Variants in DYNC2H1 observed in about 807,000 individuals in gnomAD.
The protein encoded by DYNC2H1 is dynein cytoplasmic 2 heavy chain 1, also known as cytoplasmic dynein 2 heavy chain 1.
In DYNC2H1, 410 loss-of-function variants were observed where a neutral mutation model predicts 570.0. That is an observed-to-expected ratio of 0.72 (90% CI 0.66 to 0.78). The LOEUF (loss-of-function observed/expected upper bound fraction) is 0.78, where lower values mean the gene tolerates loss of function less well. Ranked by LOEUF, DYNC2H1 falls within the 30% of genes least tolerant of loss-of-function variation. The pLI is 0.00. For missense variants in DYNC2H1, 4,865 were observed against 5,046.4 expected (o/e 0.96, Z 1.09); for synonymous variants, 1,688 against 1,677.6 (o/e 1.01, Z -0.15).
intron 85 of DYNC2H1, among the ~76,000 whole-genome samples, chr11:103,437,914 T>A (rs1944119730): frequency 6.6e-6 from 1 of 152,102 alleles, no homozygotes; most frequent in Admixed American, 6.6e-5. Context: ...TTTAAAACAA[T>A]TTTACATGAA....
chr11:103,198,865 T>A (rs1862606563), intron 48 of DYNC2H1, among the ~76,000 whole-genome samples: 1 of 152,128 alleles, frequency 6.6e-6, no homozygotes, highest in Admixed American at 6.5e-5. Context: ...TTTCTAGAGT[T>A]TGGGGATTTT....
chr11:103,120,304 C>A, intron 6 of DYNC2H1, 143 bp from the exon 7 acceptor site: 1 of 703,126 alleles, frequency 1.4e-6, no homozygotes, highest in Non-Finnish European at 2.2e-6. Flanking sequence ...ATTCTCTGGA[C>A]TAGAGTTTCA....
Position 103,384,574 on chromosome 11 carries a change from T to A in DYNC2H1, c.12157-15089T>A, listed in dbSNP as rs1044616186. ...TTTCTTTTTCCTAGTTTACAACTTA[T>A]ATGCATTTTTTACTTTTTAGTTGGT... On this transcript the variant is annotated intron_variant, in intron 83 of 88. Coordinates refer to ENST00000375735, the MANE Select transcript of DYNC2H1 (RefSeq NM_001377.3). Among the ~76,000 whole-genome samples the A allele has an allele frequency of 8.5e-5, 13 of 152,324 alleles. No individual in the cohort carries two copies. In the South Asian group the frequency reaches 2.7e-3, roughly 32 times the overall value.
chr11:103,436,407 C>T (rs1944061915), intron 85 of DYNC2H1, among the ~76,000 whole-genome samples: 1 of 151,906 alleles, frequency 6.6e-6, no homozygotes, highest in Admixed American at 6.6e-5. Context: ...CAAGTTTTTT[C>T]AGAATAAACC....
At chr11:103,123,171 T>C (rs571418788) in intron 11 of DYNC2H1, among the ~76,000 whole-genome samples, 171 bp downstream of exon 11, 1 of 152,314 alleles carries the variant, frequency 6.6e-6, no homozygotes, top group African/African-American at 2.4e-5. Flanking sequence ...GCTGGAAACT[T>C]TGATGATTTA....
Position 103,133,443 on chromosome 11 carries a change from T to A in DYNC2H1, c.1954-112T>A. On this transcript the variant is annotated intron_variant, in intron 13 of 88. Transcript: ENST00000375735. The surrounding 1 kb of genome is among the most constrained non-coding windows in gnomAD (Gnocchi z 4.8). ...TATAAAATGGAAAATTATTATGTGC[T>A]TTCTTTGTTGCAGGTCAGAGTTGGG... The A allele has an allele frequency of 1.0e-6, 1 of 959,254 alleles. No individual in the cohort carries two copies. The highest frequency in any genetic ancestry group is 1.5e-6 in the Non-Finnish European group (1 of 660,656). 59.4% of individuals were successfully genotyped at this position (959,254 alleles called of 1,614,324 possible). A position where few individuals can be genotyped will look rare whatever the true frequency, so the allele number is the denominator to read the frequency against.
chr11:103,302,884 G>A (rs945169913), intron 75 of DYNC2H1, among the ~76,000 whole-genome samples: 10 of 152,000 alleles, frequency 6.6e-5, no homozygotes, highest in African/African-American at 2.4e-4. Flanking sequence ...ATCATACGTG[G>A]AAAACATTTA....
intron 85 of DYNC2H1, among the ~76,000 whole-genome samples, chr11:103,449,612 A>G (rs2135789643): frequency 6.6e-6 from 1 of 152,304 alleles, no homozygotes; most frequent in South Asian, 2.1e-4. Flanking sequence ...TGAACTTTAT[A>G]TTAATCAAAT....
chr11:103,302,945 A>G, intron 75 of DYNC2H1, 148 bp from the exon 76 acceptor site: 1 of 520,116 alleles, frequency 1.9e-6, no homozygotes, highest in Non-Finnish European at 2.9e-6. Flanking sequence ...TATTACTAGT[A>G]TATTATTTTA....
At chr11:103,194,719 AT>A (rs970448254) in intron 47 of DYNC2H1, among the ~76,000 whole-genome samples, 148 of 148,244 alleles carry the variant, frequency 1.0e-3, no homozygotes, top group African/African-American at 3.3e-3. Flanking sequence ...TTCCAATCAA[AT>A]TTTTTTTTTT....
intron 70 of DYNC2H1, among the ~76,000 whole-genome samples, chr11:103,262,544 A>G (rs1387812789): frequency 6.6e-6 from 1 of 152,192 alleles, no homozygotes; most frequent in African/African-American, 2.4e-5. Context: ...AGGGGCCAAT[A>G]TTCAACATTC....
At chr11:103,434,908 T>A (rs1944009678) in intron 84 of DYNC2H1, among the ~76,000 whole-genome samples, 1 of 152,036 alleles carries the variant, frequency 6.6e-6, no homozygotes. Context: ...AAGCAACCAA[T>A]TTTTTATAGC....
At chr11:103,392,613 G>A (rs911847771) in intron 83 of DYNC2H1, among the ~76,000 whole-genome samples, 1 of 151,894 alleles carries the variant, frequency 6.6e-6, no homozygotes, top group Non-Finnish European at 1.5e-5. Context: ...GTTCCTATTC[G>A]GCCATCTTGG....
chr11:103,182,281 T>C (rs1365805209), intron 40 of DYNC2H1, among the ~76,000 whole-genome samples: 1 of 150,328 alleles, frequency 6.7e-6, no homozygotes, highest in African/African-American at 2.4e-5. Flanking sequence ...TACACCTATA[T>C]ATACACACCT....
chr11:103,239,764 T>C lies in DYNC2H1; in HGVS notation c.9819+3225T>C, dbSNP rs1864357711. On this transcript the variant is annotated intron_variant, in intron 63 of 88. Transcript: ENST00000375735. This position sits in a 1 kb window ranked among gnomAD's most constrained non-coding sequence, Gnocchi z 4.3. The stretch of plus-strand genomic sequence containing the variant: ...TTTAGTTTTATTTATAAAATGTTTT[T>C]GCATTTGTCCCATTTATAAGTATTG... Among the ~76,000 whole-genome samples, 1 of 152,138 alleles carries C rather than the reference T, an allele frequency of 6.6e-6. No homozygotes were observed. The highest frequency in any genetic ancestry group is 2.4e-5 in the African/African-American group (1 of 41,442).
chr11:103,368,564 T>A (rs1379942144), intron 83 of DYNC2H1, among the ~76,000 whole-genome samples: 1 of 152,168 alleles, frequency 6.6e-6, no homozygotes, highest in Non-Finnish European at 1.5e-5. Context: ...TGTTAATTGT[T>A]TCCTTTGCTG....
chr11:103,423,195 C>A (rs1183639105), intron 84 of DYNC2H1, among the ~76,000 whole-genome samples: 1 of 151,514 alleles, frequency 6.6e-6, no homozygotes, highest in Non-Finnish European at 1.5e-5. Flanking sequence ...GAATGAAGAT[C>A]AGTGGAATGG....
intron 6 of DYNC2H1, among the ~76,000 whole-genome samples, chr11:103,120,191 A>T (rs1273175079): frequency 2.6e-5 from 4 of 152,152 alleles, no homozygotes; most frequent in Non-Finnish European, 2.9e-5. Context: ...TAGTTTAAAA[A>T]TGTTTAGGTC....
intron 60 of DYNC2H1, among the ~76,000 whole-genome samples, chr11:103,231,817 A>G (rs1441055762): frequency 6.6e-6 from 1 of 152,068 alleles, no homozygotes; most frequent in East Asian, 1.9e-4. Flanking sequence ...TCAGATTAAA[A>G]CTATGAATTT....
Sources: allele counts gnomAD v4.1 joint callset (sites outside exome capture counted in the v4.1 genomes callset), GRCh38; gene constraint gnomAD v4.1.1; non-coding constraint Gnocchi (gnomAD v3.1); transcripts MANE v1.5; gene names NCBI Gene and HGNC (gene_info 2026-07-23, HGNC 2026-07-21).